The following KCNH1 variants were observed in gnomAD, a reference collection of about 807,000 sequenced individuals.
KCNH1 encodes the protein voltage-gated delayed rectifier potassium channel KCNH1.
Under a neutral mutation model 69.2 loss-of-function variants are expected in KCNH1, and 27 were observed. The ratio of observed to expected loss-of-function variants is 0.39; its 90% CI spans 0.29 to 0.54. The LOEUF (loss-of-function observed/expected upper bound fraction) is 0.54, where lower values mean the gene tolerates loss of function less well. KCNH1 is among the 20% of genes least tolerant of loss of function. The pLI is 0.68. For synonymous variants in KCNH1, 456 were observed against 487.7 expected, an observed-to-expected ratio of 0.93 and a Z score of 0.86; for missense variants, 798 against 1,261.6, an observed-to-expected ratio of 0.63 and a Z score of 5.57.
chr1:210,827,330 C>CA (rs1364113477), intron 7 of KCNH1, among the ~76,000 whole-genome samples: 1 of 144,804 alleles, frequency 6.9e-6, no homozygotes, highest in African/African-American at 2.6e-5. Flanking sequence ...GACTCCATCT[C>CA]AAAAAACAGA....
chr1:210,853,191 T>C (rs1398482310), intron 7 of KCNH1, among the ~76,000 whole-genome samples: 1 of 152,192 alleles, frequency 6.6e-6, no homozygotes, highest in African/African-American at 2.4e-5. Context: ...AAACTTTTGT[T>C]CCTTTTTGAG....
intron 5 of KCNH1, among the ~76,000 whole-genome samples, chr1:211,037,009 TGAAGACTGATTCTG>T (rs776437962): frequency 1.3e-5 from 2 of 152,236 alleles, no homozygotes; most frequent in Admixed American, 6.5e-5. Context: ...ATGCTCATCT[TGAAGACTGATTCTG>T]GAAGGAAAAA....
intron 5 of KCNH1, among the ~76,000 whole-genome samples, chr1:211,060,029 G>T (rs1189070581): frequency 6.6e-6 from 1 of 152,016 alleles, no homozygotes; most frequent in Non-Finnish European, 1.5e-5. Flanking sequence ...ATTATATCAA[G>T]TATCTTCTCT....
chr1:210,972,458 C>T (rs1688526216), intron 6 of KCNH1, among the ~76,000 whole-genome samples: 1 of 151,918 alleles, frequency 6.6e-6, no homozygotes, highest in South Asian at 2.1e-4. Flanking sequence ...TTTCAGTTGC[C>T]CTAAAGTTCC....
intron 6 of KCNH1, among the ~76,000 whole-genome samples, chr1:210,958,893 C>T (rs1688242676): frequency 6.6e-6 from 1 of 152,216 alleles, no homozygotes; most frequent in Non-Finnish European, 1.5e-5. Flanking sequence ...TATTACCGGC[C>T]TTCTGAAGCC....
intron 5 of KCNH1, among the ~76,000 whole-genome samples, chr1:211,020,294 G>A (rs934492619): frequency 6.6e-6 from 1 of 151,496 alleles, no homozygotes; most frequent in Non-Finnish European, 1.5e-5. Context: ...AGATGAAAAA[G>A]GAAATATTAC....
chr1:210,877,365 T>A (rs1282388991), intron 7 of KCNH1, among the ~76,000 whole-genome samples: 1 of 152,168 alleles, frequency 6.6e-6, no homozygotes, highest in Non-Finnish European at 1.5e-5. Context: ...AAAGTGGCTC[T>A]GAGTCTCAGC....
chr1:210,726,866 G>A (rs1682609359), intron 10 of KCNH1, among the ~76,000 whole-genome samples: 1 of 152,118 alleles, frequency 6.6e-6, no homozygotes, highest in Non-Finnish European at 1.5e-5. Flanking sequence ...TTCCAGCTTA[G>A]AAGTGCCTGC....
At chr1:210,688,480 C>T (rs538366836) in intron 10 of KCNH1, among the ~76,000 whole-genome samples, 1 of 152,280 alleles carries the variant, frequency 6.6e-6, no homozygotes, top group East Asian at 1.9e-4. Context: ...GCCCTCCCTC[C>T]AAAAATCTGC....
At chr1:210,917,229 G>GAGAAAGAAAGAAAGAA (rs1187754589) in intron 7 of KCNH1, among the ~76,000 whole-genome samples, 91 of 78,852 alleles carry the variant, frequency 1.2e-3, no homozygotes, top group Admixed American at 2.1e-3. Flanking sequence ...GAGAGAGAGA[G>GAGAAAGAAAGAAAGAA]AGAAAGAAAG....
At chr1:210,886,485 T>C (rs1333427563) in intron 7 of KCNH1, among the ~76,000 whole-genome samples, 1 of 152,084 alleles carries the variant, frequency 6.6e-6, no homozygotes, top group East Asian at 1.9e-4. Context: ...AGAATGCTTC[T>C]TCTCCTCCAA....
At chr1:210,935,502 G>C (rs2102581485) in intron 6 of KCNH1, among the ~76,000 whole-genome samples, 1 of 152,296 alleles carries the variant, frequency 6.6e-6, no homozygotes. Flanking sequence ...ATAGCTAAAA[G>C]AGTTCCTAGC....
intron 7 of KCNH1, among the ~76,000 whole-genome samples, chr1:210,830,470 C>G (rs573906649): frequency 2.6e-5 from 4 of 152,110 alleles, no homozygotes; most frequent in African/African-American, 9.7e-5. Flanking sequence ...GTTGGAAGAC[C>G]TCAATAAGAC....
chr1:210,690,356 C>A (rs1318737061), intron 10 of KCNH1, among the ~76,000 whole-genome samples: 2 of 152,138 alleles, frequency 1.3e-5, no homozygotes, highest in African/African-American at 4.8e-5. Flanking sequence ...GCCTCTTCTC[C>A]CAGAGCTGGG....
intron 10 of KCNH1, among the ~76,000 whole-genome samples, chr1:210,726,515 C>G (rs1682595154): frequency 6.6e-6 from 1 of 152,182 alleles, no homozygotes; most frequent in African/African-American, 2.4e-5. Context: ...AGACTCAATG[C>G]TGACAGGACC....
chr1:211,112,341 A>T (rs1455625249), intron 1 of KCNH1, among the ~76,000 whole-genome samples: 1 of 126,642 alleles, frequency 7.9e-6, no homozygotes, highest in Non-Finnish European at 1.6e-5. Flanking sequence ...GGAAGCGAGG[A>T]GTGCCTCTGC....
chr1:210,684,572 T>C (rs898376073), intron 10 of KCNH1, among the ~76,000 whole-genome samples: 1 of 152,166 alleles, frequency 6.6e-6, no homozygotes, highest in Non-Finnish European at 1.5e-5. Context: ...ACCTACTCCA[T>C]TAGTATCTCT....
At chr1:210,766,377 T>C (rs1683632222) in intron 10 of KCNH1, among the ~76,000 whole-genome samples, 1 of 152,096 alleles carries the variant, frequency 6.6e-6, no homozygotes, top group Non-Finnish European at 1.5e-5. Flanking sequence ...AATACAAAAT[T>C]AGCTGGGCAT....
chr1:211,045,184 T>C (rs924130218), intron 5 of KCNH1, among the ~76,000 whole-genome samples: 1 of 151,590 alleles, frequency 6.6e-6, no homozygotes, highest in Non-Finnish European at 1.5e-5. Context: ...CCAAACATTG[T>C]ATGCTCTCAC....
Sources: gnomAD v4.1 joint callset for allele counts (sites outside exome capture counted in the v4.1 genomes callset) on GRCh38, gnomAD v4.1.1 for gene constraint, MANE v1.5 for transcripts, NCBI Gene and HGNC (gene_info 2026-07-23, HGNC 2026-07-21) for gene names.